PLCG2: variants seen among roughly 807,000 people sequenced by gnomAD.
PLCG2 encodes the protein 1-phosphatidylinositol 4,5-bisphosphate phosphodiesterase gamma-2.
Under a neutral mutation model 175.6 loss-of-function variants are expected in PLCG2, and 69 were observed. The observed-to-expected ratio is 0.39, with a 90% CI of 0.32 to 0.48. The LOEUF is 0.48. Ranked by LOEUF, PLCG2 falls within the 20% of genes least tolerant of loss-of-function variation. The pLI, the probability that PLCG2 is intolerant of heterozygous loss-of-function variation, is 0.91. For synonymous variants in PLCG2, 827 were observed against 624.0 expected, an observed-to-expected ratio of 1.33 and a Z score of -4.85; for missense variants, 1,798 against 1,650.9, an observed-to-expected ratio of 1.09 and a Z score of -1.54.
intron 2 of PLCG2, among the ~76,000 whole-genome samples, chr16:81,843,903 C>T (rs982885430): frequency 3.3e-5 from 5 of 152,104 alleles, no homozygotes; most frequent in African/African-American, 4.8e-5. Flanking sequence ...CAGACAGACA[C>T]GCCTTTCCTT....
intron 2 of PLCG2, among the ~76,000 whole-genome samples, chr16:81,815,560 C>CTGT (rs1201134224): frequency 1.3e-5 from 2 of 152,212 alleles, no homozygotes; most frequent in East Asian, 3.9e-4. Flanking sequence ...ACTACTCAGC[C>CTGT]TGTTGTTCTG....
chr16:81,922,495 A>G (rs1437354253), intron 21 of PLCG2, among the ~76,000 whole-genome samples: 1 of 152,254 alleles, frequency 6.6e-6, no homozygotes, highest in Non-Finnish European at 1.5e-5. Context: ...TTTTATCATT[A>G]TACACATGAT....
intron 2 of PLCG2, among the ~76,000 whole-genome samples, chr16:81,821,816 C>T (rs928908839): frequency 1.3e-5 from 2 of 152,046 alleles, no homozygotes; most frequent in Non-Finnish European, 2.9e-5. Flanking sequence ...GGTTTTACTG[C>T]AAACAACTTT....
chr16:81,761,735 T>C (rs1230182273), intron 2 of PLCG2, among the ~76,000 whole-genome samples: 1 of 152,146 alleles, frequency 6.6e-6, no homozygotes, highest in Admixed American at 6.5e-5. Flanking sequence ...ATTTTTCCAA[T>C]CTTTTATTAT....
intron 17 of PLCG2, 124 bp from the exon 18 acceptor site, chr16:81,910,396 T>G: frequency 1.2e-6 from 1 of 825,404 alleles, no homozygotes; most frequent in Non-Finnish European, 2.0e-6. Context: ...CAGCCTCCTG[T>G]GTCTGTTCTA....
intron 2 of PLCG2, among the ~76,000 whole-genome samples, chr16:81,765,794 G>T (rs529263958): frequency 6.6e-6 from 1 of 152,288 alleles, no homozygotes; most frequent in East Asian, 1.9e-4. Flanking sequence ...CTGGATGGCT[G>T]GTTGACAGCT....
At chr16:81,817,443 G>T (rs534948918) in intron 2 of PLCG2, among the ~76,000 whole-genome samples, 2 of 152,326 alleles carry the variant, frequency 1.3e-5, no homozygotes, top group East Asian at 3.9e-4. Flanking sequence ...TGTTGCGCAC[G>T]CTGGAGTGCA....
At position 81,914,272 on chromosome 16, in the gene PLCG2, T is replaced by G. The variant is rs557921608; in HGVS notation, c.2054+1556T>G. ...ACAACCGGATCGGGGCCTCACCTGA[T>G]GATGGTCAGGATGCCACCTGTATGT... is the stretch of plus-strand genomic sequence containing the variant. On this transcript the variant is annotated intron_variant, in intron 19 of 32. Transcript: ENST00000564138. 1.1e-3 allele frequency among the ~76,000 whole-genome samples: 162 copies of G among 152,278 alleles called. 1 individual carries two copies. The highest frequency in any genetic ancestry group is 3.6e-3 in the African/African-American group (151 of 41,568).
At chr16:81,819,805 C>G (rs762950045) in intron 2 of PLCG2, among the ~76,000 whole-genome samples, 2 of 152,086 alleles carry the variant, frequency 1.3e-5, no homozygotes, top group Non-Finnish European at 2.9e-5. Context: ...AGGCTGGTCT[C>G]GAACTCCTGA....
In PLCG2 at chr16:81,960,158, G is replaced by A. The variant is rs1011571015; in HGVS notation, c.*2160G>A. The stretch of plus-strand genomic sequence containing the variant: ...TCCACCATGAGAGAGTACTTTCTTC[G>A]GTTCTTTCCTCCTGTCCTTGACAGA... On this transcript the variant is annotated 3_prime_UTR_variant, in exon 33 of 33. Coordinates refer to ENST00000564138, the MANE Select transcript of PLCG2 (RefSeq NM_002661.5). 7 of 219,916 alleles carry A rather than the reference G, an allele frequency of 3.2e-5. No homozygotes were observed. The highest frequency in any genetic ancestry group is 6.6e-5 in the East Asian group (1 of 15,044). The allele number at this position is 219,916 out of a possible 1,614,324, so 13.6% of individuals were successfully genotyped here.
intron 2 of PLCG2, among the ~76,000 whole-genome samples, chr16:81,757,716 T>C (rs1401788242): frequency 6.6e-6 from 1 of 152,234 alleles, no homozygotes; most frequent in Non-Finnish European, 1.5e-5. Flanking sequence ...CGATGGCTTA[T>C]AGTGTATTCA....
At chr16:81,880,768 A>G (rs1908038684) in intron 7 of PLCG2, 142 bp from the exon 8 acceptor site, 4 of 719,194 alleles carry the variant, frequency 5.6e-6, no homozygotes, top group Non-Finnish European at 9.4e-6. Flanking sequence ...GAATATTTAC[A>G]ACTAACATCA....
chr16:81,802,670 C>G (rs1911786145), intron 2 of PLCG2, among the ~76,000 whole-genome samples: 1 of 151,944 alleles, frequency 6.6e-6, no homozygotes, highest in Non-Finnish European at 1.5e-5. Context: ...CTCCCAGGTT[C>G]AAGCAATTCT....
At chr16:81,753,342 G>GTTTTT (rs34438350) in intron 1 of PLCG2, among the ~76,000 whole-genome samples, 25 of 91,112 alleles carry the variant, frequency 2.7e-4, no homozygotes, top group South Asian at 4.0e-4. Flanking sequence ...GTCCTGGCAG[G>GTTTTT]TTTTTTTTTT....
At chr16:81,935,930 A>G in intron 26 of PLCG2, 1 of 985,180 alleles carries the variant, frequency 1.0e-6, no homozygotes, top group Non-Finnish European at 1.2e-6. Flanking sequence ...AGTAAATTAC[A>G]GTAATTCTAG....
At chr16:81,930,042 C>T (rs946550103) in intron 24 of PLCG2, among the ~76,000 whole-genome samples, 1 of 152,184 alleles carries the variant, frequency 6.6e-6, no homozygotes, top group Admixed American at 6.5e-5. Context: ...TCAGTTTTGC[C>T]TCCTGCAAAA....
At chr16:81,768,910 A>T (rs903563656) in intron 2 of PLCG2, among the ~76,000 whole-genome samples, 36 of 152,000 alleles carry the variant, frequency 2.4e-4, no homozygotes, top group African/African-American at 8.0e-4. Flanking sequence ...ATAGGTGCGT[A>T]TTTTTTGTTC....
At chr16:81,742,879 T>G (rs1032874322) in intron 1 of PLCG2, among the ~76,000 whole-genome samples, 11 of 152,224 alleles carry the variant, frequency 7.2e-5, no homozygotes, top group African/African-American at 2.7e-4. Flanking sequence ...CCGCTCCTCT[T>G]GTTCTTCCAG....
rs371432727 is a variant in PLCG2 at position 81,850,231 on chromosome 16, G to T, written c.194-4213G>T. Among the ~76,000 whole-genome samples, 51 of 152,312 alleles carry T rather than the reference G, an allele frequency of 3.3e-4. No homozygotes were observed. The East Asian group carries it at 5.0e-3, about 15-fold the overall frequency. ...ATGTTATGTAATTATCATCAGTTTT[G>T]TTAGGTGTAAGGTTTTATGGTTCTA... On this transcript the variant is annotated intron_variant, in intron 2 of 32. Transcript: ENST00000564138.
Sources: gnomAD v4.1 joint callset for allele counts (sites outside exome capture counted in the v4.1 genomes callset) on GRCh38, gnomAD v4.1.1 for gene constraint, MANE v1.5 for transcripts, NCBI Gene and HGNC (gene_info 2026-07-23, HGNC 2026-07-21) for gene names.